Variants in KCNC2 observed in about 807,000 individuals in gnomAD.
The protein encoded by KCNC2 is potassium voltage-gated channel subfamily C member 2.
KCNC2 carries 21 observed loss-of-function variants against 44.5 expected under a neutral mutation model. That is an observed-to-expected ratio of 0.47 (90% CI 0.33 to 0.68). The LOEUF is 0.68. KCNC2 is among the 30% of genes least tolerant of loss of function. The pLI is 0.01. For synonymous variants in KCNC2, 391 were observed against 339.1 expected (o/e 1.15, Z -1.68); for missense variants, 589 against 826.2 (o/e 0.71, Z 3.52).
intron 2 of KCNC2, among the ~76,000 whole-genome samples, chr12:75,055,367 T>C (rs1881629736): frequency 6.6e-6 from 1 of 152,074 alleles, no homozygotes; most frequent in African/African-American, 2.4e-5. Context: ...TGAACTGGCT[T>C]ATGGGTCCAA....
chr12:75,155,699 A>T (rs1890709302), intron 2 of KCNC2, among the ~76,000 whole-genome samples: 1 of 151,664 alleles, frequency 6.6e-6, no homozygotes, highest in Non-Finnish European at 1.5e-5. Flanking sequence ...GGTGCTTAGC[A>T]AGAGAAAGAA....
intron 2 of KCNC2, among the ~76,000 whole-genome samples, chr12:75,172,428 A>T (rs184882905): frequency 6.6e-6 from 1 of 151,892 alleles, no homozygotes; most frequent in East Asian, 2.0e-4. Context: ...CCACCATGGC[A>T]CACATTTACC....
At chr12:75,166,957 A>T (rs1000898620) in intron 2 of KCNC2, among the ~76,000 whole-genome samples, 9 of 151,238 alleles carry the variant, frequency 6.0e-5, no homozygotes, top group Non-Finnish European at 1.0e-4. Context: ...TAGAGTAGAA[A>T]TAAAGAATTC....
chr12:75,168,578 T>C lies in KCNC2; in HGVS notation c.687+38719A>G, dbSNP rs28497817. Among the ~76,000 whole-genome samples, 633 of 151,644 alleles carry C rather than the reference T, an allele frequency of 4.2e-3. 8 individuals are homozygous for C. Among genetic ancestry groups the C allele is most frequent in the African/African-American group, 0.015 (609 of 41,496 alleles). On this transcript the variant is annotated intron_variant, in intron 2 of 4. Transcript: ENST00000549446. ...ATAATTAAGTAAGAATTAAACAAAG[T>C]CCGTTAGTTTTGAGAACCACAAATG...
At chr12:75,107,358 T>G (rs999014926) in intron 2 of KCNC2, among the ~76,000 whole-genome samples, 3 of 152,156 alleles carry the variant, frequency 2.0e-5, no homozygotes, top group Non-Finnish European at 4.4e-5. Context: ...CATGGGGATA[T>G]GGAGTTGAAA....
chr12:75,193,173 T>C (rs779772585), intron 2 of KCNC2, among the ~76,000 whole-genome samples: 1 of 152,164 alleles, frequency 6.6e-6, no homozygotes, highest in Non-Finnish European at 1.5e-5. Flanking sequence ...AGTCCAACTG[T>C]AGTTGAAGAT....
rs1323214455 is a variant in KCNC2 at position 75,075,474 on chromosome 12, TATATATATACAC to T, written c.688-24169_688-24158del. On this transcript the variant is annotated intron_variant, in intron 2 of 4. Coordinates refer to ENST00000549446, the MANE Select transcript of KCNC2 (RefSeq NM_139137.4). ...ATATATATACATATATATATATATA[TATATATATACAC>T]ATATATATATATAAATAACATTGCT... 1.3e-4 allele frequency among the ~76,000 whole-genome samples: 20 copies of T among 148,168 alleles called. No individual in the cohort carries two copies. The East Asian group carries it at 3.6e-3, about 27-fold the overall frequency.
intron 2 of KCNC2, among the ~76,000 whole-genome samples, chr12:75,110,897 G>A (rs954123437): frequency 3.3e-5 from 5 of 152,126 alleles, no homozygotes; most frequent in East Asian, 1.9e-4. Flanking sequence ...ACAGGAAGTG[G>A]CCACTAAAAT....
intron 2 of KCNC2, among the ~76,000 whole-genome samples, chr12:75,058,118 C>T (rs1387536098): frequency 6.6e-6 from 1 of 151,846 alleles, no homozygotes; most frequent in Non-Finnish European, 1.5e-5. Context: ...CATATAGTAT[C>T]ATTTTGCTTT....
At chr12:75,149,525 G>C (rs1359535682) in intron 2 of KCNC2, among the ~76,000 whole-genome samples, 1 of 151,782 alleles carries the variant, frequency 6.6e-6, no homozygotes, top group African/African-American at 2.4e-5. Flanking sequence ...AGTCCTCTAA[G>C]AAGCCACACT....
At chr12:75,069,466 A>G (rs1368700469) in intron 2 of KCNC2, among the ~76,000 whole-genome samples, 1 of 151,906 alleles carries the variant, frequency 6.6e-6, no homozygotes, top group Non-Finnish European at 1.5e-5. Context: ...AGTCAAAACA[A>G]TTTTCATCTC....
At chr12:75,149,571 TC>T (rs542901954) in intron 2 of KCNC2, among the ~76,000 whole-genome samples, 253 of 151,970 alleles carry the variant, frequency 1.7e-3, no homozygotes, top group Middle Eastern at 6.8e-3. Context: ...GGTATGTCTG[TC>T]CACAAACATT....
chr12:75,093,631 C>G (rs1885679091), intron 2 of KCNC2, among the ~76,000 whole-genome samples: 1 of 151,552 alleles, frequency 6.6e-6, no homozygotes, highest in African/African-American at 2.4e-5. Context: ...GTCAAAGATG[C>G]TTAATTTACA....
At chr12:75,200,264 T>G (rs1388993226) in intron 2 of KCNC2, among the ~76,000 whole-genome samples, 1 of 151,816 alleles carries the variant, frequency 6.6e-6, no homozygotes, top group Non-Finnish European at 1.5e-5. Flanking sequence ...TCACAAGATC[T>G]AAATACTAGC....
chr12:75,197,692 C>T (rs73187146), intron 2 of KCNC2, among the ~76,000 whole-genome samples: 11,874 of 151,942 alleles, frequency 0.078, 541 homozygotes, highest in Admixed American at 0.14. Flanking sequence ...AACTCTGATG[C>T]TTTTTTTCTT....
rs150446211 is a variant in KCNC2, at chr12:75,204,955, C to T, written c.687+2342G>A. ...CAGGATTCTTTTTAAGAAGTTAATT[C>T]AAGTCCCATATTTTTATTCTACTGT... On this transcript the variant is annotated intron_variant, in intron 2 of 4. Transcript: ENST00000549446. Among the ~76,000 whole-genome samples the T allele has an allele frequency of 3.7e-3, 569 of 152,194 alleles. 1 individual carries two copies. The highest frequency in any genetic ancestry group is 0.013 in the African/African-American group (535 of 41,542).
At chr12:75,073,137 C>T (rs1034451436) in intron 2 of KCNC2, among the ~76,000 whole-genome samples, 1 of 152,156 alleles carries the variant, frequency 6.6e-6, no homozygotes, top group African/African-American at 2.4e-5. Flanking sequence ...AGAGCTACTG[C>T]CATTTCTTTG....
chr12:75,048,028 G>C, intron 4 of KCNC2, 125 bp downstream of exon 4: 1 of 780,356 alleles, frequency 1.3e-6, no homozygotes, highest in Admixed American at 2.5e-5. Context: ...GTAATGAAGA[G>C]AGGAAAAGAG....
intron 2 of KCNC2, among the ~76,000 whole-genome samples, chr12:75,068,673 G>C (rs1011070393): frequency 6.6e-6 from 1 of 152,094 alleles, no homozygotes; most frequent in African/African-American, 2.4e-5. Flanking sequence ...GATTTGAGGA[G>C]TTGATTACAA....
Sources: gnomAD v4.1 joint callset for allele counts (sites outside exome capture counted in the v4.1 genomes callset) on GRCh38, gnomAD v4.1.1 for gene constraint, MANE v1.5 for transcripts, NCBI Gene and HGNC (gene_info 2026-07-23, HGNC 2026-07-21) for gene names.